NOMO3: variants seen among roughly 807,000 people sequenced by gnomAD.
NOMO3 encodes NODAL modulator 3.
In NOMO3, 15 loss-of-function variants were observed where a neutral mutation model predicts 69.9. The ratio of observed to expected loss-of-function variants is 0.21; its 90% CI spans 0.14 to 0.33. The LOEUF is 0.33. NOMO3 is among the 10% of genes least tolerant of loss of function. The pLI is 1.00. For synonymous variants in NOMO3, 89 were observed against 301.9 expected (o/e 0.29, Z 7.31); for missense variants, 218 against 761.0 (o/e 0.29, Z 8.39).
chr16:16,268,882 C>T (rs879013227), intron 16 of NOMO3, among the ~76,000 whole-genome samples: 8 of 143,458 alleles, frequency 5.6e-5, no homozygotes, highest in Non-Finnish European at 1.2e-4. Context: ...CCTTGCGCCC[C>T]CTCCTCCAGT....
intron 5 of NOMO3, among the ~76,000 whole-genome samples, chr16:16,246,515 A>C (rs1283089250): frequency 1.5e-5 from 2 of 130,998 alleles, no homozygotes; most frequent in Non-Finnish European, 3.1e-5. Flanking sequence ...AACATGTAGC[A>C]CTGGGCTATT....
chr16:16,249,773 T>G (rs551947648), intron 6 of NOMO3, among the ~76,000 whole-genome samples: 1 of 143,830 alleles, frequency 7.0e-6, no homozygotes, highest in South Asian at 2.3e-4. Flanking sequence ...GGGGTGTTAG[T>G]GACCGGAAGC....
rs1371447346 is a variant in NOMO3 at position 16,258,790 on chromosome 16, G to A, written c.1220+2632G>A. ...TGAGGCAGGAGAATCGCTTGAACCCGAGAGGCAGGGGTTGCAGTGAGCTGA... is the reference window on the plus strand; with the variant it reads ...TGAGGCAGGAGAATCGCTTGAACCCAAGAGGCAGGGGTTGCAGTGAGCTGA... On this transcript the variant is annotated intron_variant, in intron 11 of 30. Transcript: ENST00000399336. 5.6e-5 allele frequency among the ~76,000 whole-genome samples: 8 copies of A among 142,280 alleles called. 1 individual carries two copies. Among genetic ancestry groups the A allele is most frequent in the Non-Finnish European group, 1.0e-4 (7 of 67,524 alleles). The allele number at this position is 142,280 out of a possible 152,430, so 93.3% of individuals were successfully genotyped here.
chr16:16,235,901 A>G (rs2856512), intron 1 of NOMO3: 4,641 of 429,420 alleles, frequency 0.011, 99 homozygotes, highest in African/African-American at 0.019. Flanking sequence ...GAGTGGCTCT[A>G]TGTCTGCACC....
chr16:16,239,182 C>T (rs1400997859), intron 2 of NOMO3, among the ~76,000 whole-genome samples: 1 of 144,364 alleles, frequency 6.9e-6, no homozygotes, highest in Non-Finnish European at 1.5e-5. Flanking sequence ...ACAGGATCCC[C>T]TTCCGCTGCC....
chr16:16,240,907 C>T (rs1444974778), intron 3 of NOMO3, among the ~76,000 whole-genome samples: 3 of 143,558 alleles, frequency 2.1e-5, no homozygotes, highest in Admixed American at 6.8e-5. Flanking sequence ...CTGGCTGGTA[C>T]GTTCCAGAAA....
chr16:16,232,597 G>C lies in NOMO3; in HGVS notation c.-70G>C. The C allele has an allele frequency of 2.3e-6, 1 of 429,608 alleles. No homozygotes were observed. The highest frequency in any genetic ancestry group is 4.0e-6 in the Non-Finnish European group (1 of 252,786). 26.6% of individuals were successfully genotyped at this position (429,608 alleles called of 1,614,324 possible). ...TCAGCCGGCCTAGGAGGAGGAAGGA[G>C]CCTGCGGCGTGCAGTGTGAGGGGCG... On this transcript the variant is annotated 5_prime_UTR_variant, in exon 1 of 31. Coordinates refer to ENST00000399336, the MANE Select transcript of NOMO3 (RefSeq NM_001004067.4).
At chr16:16,266,387 CTTT>C (rs59189620) in intron 15 of NOMO3, among the ~76,000 whole-genome samples, 1 of 96,952 alleles carries the variant, frequency 1.0e-5, no homozygotes, top group African/African-American at 4.7e-5. Context: ...TAATAAGATC[CTTT>C]TTTTTTTTTT....
chr16:16,259,378 T>TG (rs2049545214), intron 11 of NOMO3, among the ~76,000 whole-genome samples: 1 of 142,860 alleles, frequency 7.0e-6, no homozygotes, highest in African/African-American at 2.9e-5. Context: ...AGCCAGGGTC[T>TG]TACTCCGTTG....
At chr16:16,260,247 C>A (rs1046252939) in intron 11 of NOMO3, among the ~76,000 whole-genome samples, 7 of 126,428 alleles carry the variant, frequency 5.5e-5, no homozygotes, top group Non-Finnish European at 9.3e-5. Flanking sequence ...AATGAATGGG[C>A]AGAGCGCAAC....
chr16:16,241,515 T>C (rs2049373505), intron 3 of NOMO3, among the ~76,000 whole-genome samples: 1 of 125,126 alleles, frequency 8.0e-6, no homozygotes, highest in Non-Finnish European at 1.6e-5. Flanking sequence ...CAAGCAATTC[T>C]TGTGCCTCAG....
chr16:16,237,352 T>G (rs1200807172), intron 2 of NOMO3, among the ~76,000 whole-genome samples: 1 of 144,568 alleles, frequency 6.9e-6, no homozygotes, highest in East Asian at 2.2e-4. Context: ...TCTGATTTCA[T>G]GGAACCCGTT....
In NOMO3 at chr16:16,255,771, C is replaced by T. The variant is rs1301226608; in HGVS notation, c.1015C>T (p.Pro339Ser). The change falls in exon 10 of 31, where the codon CCC (proline) becomes TCC (serine). Residue 339 changes from proline (P) to serine (S), a missense_variant. Physicochemically the swap from Pro to Ser is moderately conservative, Grantham distance 74. Coordinates refer to ENST00000399336, the MANE Select transcript of NOMO3 (RefSeq NM_001004067.4). ...FSVTGRVLNG[P>S]EGDGVPEAVV... ...CGTCACCGGGAGGGTCTTGAACGGACCCGAAGGAGATGGTGTTCCAGAAGC... is the reference window on the plus strand; with the variant it reads ...CGTCACCGGGAGGGTCTTGAACGGATCCGAAGGAGATGGTGTTCCAGAAGC... 2 of 1,576,628 alleles carry T rather than the reference C, an allele frequency of 1.3e-6. No individual in the cohort carries two copies. Among genetic ancestry groups the T allele is most frequent in the Non-Finnish European group, 1.7e-6 (2 of 1,171,042 alleles).
chr16:16,255,809 G>C lies in NOMO3; in HGVS notation c.1053G>C (p.Leu351=). ...GTGTTCCAGAAGCAGTAGTCACCCT[G>C]AATAACCAAATCAAAGGTGGGCTGA... is the stretch of plus-strand genomic sequence containing the variant. ...GDGVPEAVVT[L]NNQIKVKTKA... is the part of the protein sequence containing the mutation. The change falls in exon 10 of 31, where the codon CTG becomes CTC. Residue 351 remains leucine (L), a synonymous_variant. Transcript: ENST00000399336. 1 of 1,561,042 alleles carries C rather than the reference G, an allele frequency of 6.4e-7. No homozygotes were observed. The highest frequency in any genetic ancestry group is 8.6e-7 in the Non-Finnish European group (1 of 1,163,276).
intron 1 of NOMO3, among the ~76,000 whole-genome samples, chr16:16,234,884 T>C (rs927066213): frequency 6.6e-5 from 10 of 152,208 alleles, no homozygotes; most frequent in Middle Eastern, 3.4e-3. Context: ...CATTAAAAAC[T>C]GGGTGCTTTA....
chr16:16,244,436 C>T lies in NOMO3; in HGVS notation c.403-632C>T, dbSNP rs796396091. On this transcript the variant is annotated intron_variant, in intron 4 of 30. Transcript: ENST00000399336. ...TCGAGCAATTCTCCTGCCTCAGCCTCCCCAGTAGCTGGGATTACAGGCGTG... is the reference window on the plus strand; with the variant it reads ...TCGAGCAATTCTCCTGCCTCAGCCTTCCCAGTAGCTGGGATTACAGGCGTG... Among the ~76,000 whole-genome samples the T allele has an allele frequency of 2.7e-5, 3 of 111,900 alleles. 1 individual carries two copies. Among genetic ancestry groups the T allele is most frequent in the South Asian group, 6.3e-4 (2 of 3,198 alleles). The allele number at this position is 111,900 out of a possible 152,430, so 73.4% of individuals were successfully genotyped here. A position where few individuals can be genotyped will look rare whatever the true frequency, so the allele number is the denominator to read the frequency against.
chr16:16,273,953 G>A lies in NOMO3; in HGVS notation c.2274-40G>A. 2.1e-6 allele frequency: 3 copies of A among 1,454,778 alleles called. 1 individual carries two copies. The highest frequency in any genetic ancestry group is 2.7e-6 in the Non-Finnish European group (3 of 1,091,888). 90.1% of individuals were successfully genotyped at this position (1,454,778 alleles called of 1,614,324 possible). ...CCCTACAGTGTCCTCTGTTTTGTGG[G>A]GATAGGACCCGCCAAACTGAAGTAT... On this transcript the variant is annotated intron_variant, in intron 19 of 30. Transcript: ENST00000399336.
chr16:16,235,617 A>G (rs989574905), intron 1 of NOMO3, among the ~76,000 whole-genome samples: 4 of 144,948 alleles, frequency 2.8e-5, no homozygotes, highest in Admixed American at 1.3e-4. Context: ...CCTGGCCTCA[A>G]GCAGTCCTCC....
rs1164018586 is a variant in NOMO3 at position 16,237,642 on chromosome 16, A to T, written c.255+652A>T. On this transcript the variant is annotated intron_variant, in intron 2 of 30. Coordinates refer to ENST00000399336, the MANE Select transcript of NOMO3 (RefSeq NM_001004067.4). ...TGCCTCACTCCAACCTCCACCCCCC[A>T]GGTTCAAGCCATTTTCCTTCCTCAG... 2.1e-5 allele frequency among the ~76,000 whole-genome samples: 3 copies of T among 141,438 alleles called. 1 individual carries two copies. The highest frequency in any genetic ancestry group is 8.7e-5 in the African/African-American group (3 of 34,354). The allele number at this position is 141,438 out of a possible 152,430, so 92.8% of individuals were successfully genotyped here.
Sources: allele counts gnomAD v4.1 joint callset (sites outside exome capture counted in the v4.1 genomes callset), GRCh38; gene constraint gnomAD v4.1.1; transcripts MANE v1.5; gene names NCBI Gene and HGNC (gene_info 2026-07-23, HGNC 2026-07-21).